RHBDD2: variants seen among roughly 807,000 people sequenced by gnomAD.
The protein encoded by RHBDD2 is rhomboid domain containing 2.
Under a neutral mutation model 21.7 loss-of-function variants are expected in RHBDD2, and 13 were observed. The observed-to-expected ratio is 0.60, with a 90% CI of 0.39 to 0.95. RHBDD2 has a LOEUF of 0.95. RHBDD2 is among the 40% of genes least tolerant of loss of function. The pLI is 0.00. For synonymous variants in RHBDD2, 225 were observed against 220.0 expected (o/e 1.02, Z -0.20); for missense variants, 473 against 478.9 (o/e 0.99, Z 0.11).
At position 75,882,240 on chromosome 7, in the gene RHBDD2, T is replaced by A. The variant is rs1554542790; in HGVS notation, c.586+4T>A. 6.2e-7 allele frequency: 1 copy of A among 1,605,510 alleles called. No homozygotes were observed. Among genetic ancestry groups the A allele is most frequent in the Non-Finnish European group, 8.5e-7 (1 of 1,175,170 alleles). ...GGGCTGTCCATCGGGCTGGCCTGTATCCTTCCTAGCAGAGAGCTATAGAAC... is the reference window on the plus strand; with the variant it reads ...GGGCTGTCCATCGGGCTGGCCTGTAACCTTCCTAGCAGAGAGCTATAGAAC... On this transcript the variant is annotated splice_donor_region_variant and intron_variant, in intron 2 of 3. Coordinates refer to ENST00000006777, the MANE Select transcript of RHBDD2 (RefSeq NM_001040456.3).
intron 1 of RHBDD2, 136 bp downstream of exon 1, chr7:75,879,396 C>A: frequency 1.2e-6 from 1 of 832,434 alleles, no homozygotes; most frequent in Non-Finnish European, 1.7e-6. Flanking sequence ...CATCACCATG[C>A]CCGCCCCCCG....
intron 2 of RHBDD2, 193 bp from the exon 3 acceptor site, chr7:75,883,505 T>G: frequency 2.1e-6 from 1 of 479,694 alleles, no homozygotes; most frequent in Non-Finnish European, 3.7e-6. Flanking sequence ...GCTGCTAGAG[T>G]GAGACTCCAT....
In RHBDD2 at chr7:75,879,156, C is replaced by T. The variant is rs1428773238; in HGVS notation, c.74C>T (p.Ala25Val). 6.7e-7 allele frequency: 1 copy of T among 1,498,968 alleles called. No individual in the cohort carries two copies. The highest frequency in any genetic ancestry group is 2.2e-5 in the Admixed American group (1 of 45,380). 92.9% of individuals were successfully genotyped at this position (1,498,968 alleles called of 1,614,324 possible). A position where few individuals can be genotyped will look rare whatever the true frequency, so the allele number is the denominator to read the frequency against. Residue 25 changes from alanine to valine, a missense_variant, in exon 1 of 4, where the codon GCG becomes GTG. Ala to Val is a moderately conservative substitution (Grantham distance 64). Transcript: ENST00000006777. ...GTGCCATCCGCCACCTTCTTCACTG[C>T]GCTGCTCTCGCTGCTGGTTTCCGGG... The part of the protein sequence containing the change: ...PEVPSATFFT[A>V]LLSLLVSGPR...
intron 1 of RHBDD2, among the ~76,000 whole-genome samples, chr7:75,879,790 C>T (rs1459651916): frequency 1.3e-5 from 2 of 152,194 alleles, no homozygotes; most frequent in East Asian, 1.9e-4. Flanking sequence ...TCTTGACTGC[C>T]ATTCCCAGCT....
Position 75,888,745 on chromosome 7 carries a change from C to G in RHBDD2, c.*396C>G. The G allele has an allele frequency of 4.5e-6, 1 of 221,922 alleles. No individual in the cohort carries two copies. Among genetic ancestry groups the G allele is most frequent in the Non-Finnish European group, 9.0e-6 (1 of 110,910 alleles). The allele number at this position is 221,922 out of a possible 1,614,324, so 13.7% of individuals were successfully genotyped here. ...TCCGTGTGTCCATGTGTCTGCCCTT[C>G]AGGAGCTCGCAGCTGGTGTGCTTGG... On this transcript the variant is annotated 3_prime_UTR_variant, in exon 4 of 4. Transcript: ENST00000006777.
At position 75,879,314 on chromosome 7, in the gene RHBDD2, C is replaced by T; in HGVS notation, c.178+54C>T. 3.6e-6 allele frequency: 5 copies of T among 1,401,706 alleles called. No homozygotes were observed. In the Admixed American group the frequency reaches 8.5e-5, roughly 24 times the overall value. 86.8% of individuals were successfully genotyped at this position (1,401,706 alleles called of 1,614,324 possible). ...GCGAGTCCTTGTCCTCCGACTTTGC[C>T]GGTTCCTGGGCTCTAGCCTCCGGGA... On this transcript the variant is annotated intron_variant, in intron 1 of 3. Coordinates refer to ENST00000006777, the MANE Select transcript of RHBDD2 (RefSeq NM_001040456.3).
Position 75,888,141 on chromosome 7 carries a change from C to T in RHBDD2, c.887C>T (p.Pro296Leu), listed in dbSNP as rs569926032. The change falls in exon 4 of 4, where the codon CCG becomes CTG. Residue 296 changes from proline (P) to leucine (L), a missense_variant. Coordinates refer to ENST00000006777, the MANE Select transcript of RHBDD2 (RefSeq NM_001040456.3). ...CTPGHMPTLP[P>L]YQPASGLCYV... ...CCCGGGCACATGCCCACCTTGCCTC[C>T]GTACCAGCCTGCCTCCGGCCTGTGC... The T allele has an allele frequency of 1.9e-5, 30 of 1,613,826 alleles. No homozygotes were observed. Among genetic ancestry groups the T allele is most frequent in the African/African-American group, 1.3e-4 (10 of 75,064 alleles).
Position 75,879,121 on chromosome 7 carries a change from G to C in RHBDD2, c.39G>C (p.Leu13Phe). 1 of 1,408,894 alleles carries C rather than the reference G, an allele frequency of 7.1e-7. No homozygotes were observed. The highest frequency in any genetic ancestry group is 9.3e-7 in the Non-Finnish European group (1 of 1,072,732). 87.3% of individuals were successfully genotyped at this position (1,408,894 alleles called of 1,614,324 possible). ...ASGPGCRSWCLCPEVPSATFF... is the reference protein window; with the variant it reads ...ASGPGCRSWCFCPEVPSATFF... ...GGCCCGGGTGTCGCAGCTGGTGCTT[G>C]TGTCCCGAGGTGCCATCCGCCACCT... The change falls in exon 1 of 4, where the codon TTG becomes TTC. Residue 13 changes from leucine (L) to phenylalanine (F), a missense_variant. By Grantham distance (22) the Leu-to-Phe change is conservative. Coordinates refer to ENST00000006777, the MANE Select transcript of RHBDD2 (RefSeq NM_001040456.3).
At chr7:75,879,296 C>T in intron 1 of RHBDD2, 36 bp downstream of exon 1, 3 of 1,430,106 alleles carry the variant, frequency 2.1e-6, no homozygotes, top group Non-Finnish European at 2.8e-6. Context: ...GGGGCGAGTC[C>T]TTGTCCTCCG....
At chr7:75,883,589 C>A in intron 2 of RHBDD2, 109 bp from the exon 3 acceptor site, 1 of 924,862 alleles carries the variant, frequency 1.1e-6, no homozygotes, top group Non-Finnish European at 1.7e-6. Flanking sequence ...GTGCAGCGTG[C>A]TAAGCATGAA....
chr7:75,881,513 G>C (rs965104230), intron 1 of RHBDD2: 1 of 1,325,928 alleles, frequency 7.5e-7, no homozygotes, highest in Admixed American at 2.5e-5. Context: ...ACCTGAAAAA[G>C]GATTATAAAG....
Position 75,888,501 on chromosome 7 carries a change from G to A in RHBDD2, c.*152G>A, listed in dbSNP as rs892580908. 2.3e-5 allele frequency: 15 copies of A among 663,210 alleles called. No homozygotes were observed. The highest frequency in any genetic ancestry group is 5.4e-5 in the African/African-American group (3 of 55,524). The allele number at this position is 663,210 out of a possible 1,614,324, so 41.1% of individuals were successfully genotyped here. ...CTGTTTCAGTCTCATCTGTACTCAC[G>A]GCAGCCCTGTGGAGTACGGTGTACT... On this transcript the variant is annotated 3_prime_UTR_variant, in exon 4 of 4. Transcript: ENST00000006777.
chr7:75,888,669 C>G lies in RHBDD2; in HGVS notation c.*320C>G. ...TTGGCAGTAGCTGCCGATGTCTGTC[C>G]CCAGCTCCACCATTCCTCCCTGTGG... On this transcript the variant is annotated 3_prime_UTR_variant, in exon 4 of 4. Transcript: ENST00000006777. 2.8e-6 allele frequency: 1 copy of G among 351,680 alleles called. No homozygotes were observed. The highest frequency in any genetic ancestry group is 5.3e-6 in the Non-Finnish European group (1 of 189,146). The allele number at this position is 351,680 out of a possible 1,614,324, so 21.8% of individuals were successfully genotyped here. A position where few individuals can be genotyped will look rare whatever the true frequency, so the allele number is the denominator to read the frequency against.
chr7:75,887,714 G>T (rs572712784), intron 3 of RHBDD2, among the ~76,000 whole-genome samples: 1 of 152,228 alleles, frequency 6.6e-6, no homozygotes, highest in Non-Finnish European at 1.5e-5. Flanking sequence ...TGGTTTAGAA[G>T]CTGCTGTGAG....
At chr7:75,879,719 C>G (rs942796466) in intron 1 of RHBDD2, among the ~76,000 whole-genome samples, 7 of 152,324 alleles carry the variant, frequency 4.6e-5, no homozygotes, top group Admixed American at 4.6e-4. Context: ...CCTATAAGCC[C>G]TATAAACGTC....
At position 75,883,732 on chromosome 7, in the gene RHBDD2, A is replaced by C; in HGVS notation, c.621A>C (p.Ser207=). ...GLTYCYSIDL[S]ERVALKLDQT... ...CCTACTGCTATTCCATCGACCTCTC[A>C]GAGCGAGTGGCACTGAAGCTCGATC... Residue 207 remains serine (S), a synonymous_variant, in exon 3 of 4, where the codon TCA becomes TCC. Coordinates refer to ENST00000006777, the MANE Select transcript of RHBDD2 (RefSeq NM_001040456.3). The C allele has an allele frequency of 1.2e-6, 2 of 1,613,768 alleles. No homozygotes were observed. Among genetic ancestry groups the C allele is most frequent in the African/African-American group, 2.7e-5 (2 of 74,960 alleles).
intron 3 of RHBDD2, among the ~76,000 whole-genome samples, chr7:75,887,729 TCA>T (rs1310646497): frequency 1.3e-5 from 2 of 152,080 alleles, no homozygotes; most frequent in Non-Finnish European, 2.9e-5. Context: ...TGTGAGCAGG[TCA>T]CCCCTCCGGT....
rs781878614 is a variant in RHBDD2 at position 75,888,076 on chromosome 7, C to T, written c.822C>T (p.His274=). The T allele has an allele frequency of 9.9e-6, 16 of 1,613,856 alleles. No individual in the cohort carries two copies. Among genetic ancestry groups the T allele is most frequent in the South Asian group, 5.5e-5 (5 of 91,088 alleles). ...GCCACCCTGTGTCCCAGACGCAGCA[C>T]GCCAGTGGTCAGAAGCTGGCCTCCT... is the stretch of plus-strand genomic sequence containing the variant. ...SPSHPVSQTQ[H]ASGQKLASWP... The change falls in exon 4 of 4, where the codon CAC becomes CAT. Residue 274 remains histidine (H), a synonymous_variant. Coordinates refer to ENST00000006777, the MANE Select transcript of RHBDD2 (RefSeq NM_001040456.3).
rs1805146444 is a variant in RHBDD2, at chr7:75,879,044, C to T, written c.-39C>T. The T allele has an allele frequency of 2.2e-6, 3 of 1,364,642 alleles. No homozygotes were observed. Among genetic ancestry groups the T allele is most frequent in the Non-Finnish European group, 9.5e-7 (1 of 1,056,258 alleles). The allele number at this position is 1,364,642 out of a possible 1,614,324, so 84.5% of individuals were successfully genotyped here. ...GGAGGCGGAAGGAGCAGAGGACCGG[C>T]AGCCGGCGTCGAGGCGGGGCGCGGG... On this transcript the variant is annotated 5_prime_UTR_variant, in exon 1 of 4. Transcript: ENST00000006777.
Sources: gnomAD v4.1 joint callset for allele counts (sites outside exome capture counted in the v4.1 genomes callset) on GRCh38, gnomAD v4.1.1 for gene constraint, MANE v1.5 for transcripts, NCBI Gene and HGNC (gene_info 2026-07-23, HGNC 2026-07-21) for gene names.